Variants in TET2 observed in about 807,000 individuals in gnomAD.
TET2 encodes the protein tet methylcytosine dioxygenase 2, also known as methylcytosine dioxygenase TET2.
TET2 carries 299 observed loss-of-function variants against 142.9 expected under a neutral mutation model. The ratio of observed to expected loss-of-function variants is 2.09; its 90% CI spans 1.90 to 2.30. The LOEUF (loss-of-function observed/expected upper bound fraction) is 2.30. TET2 is among the 30% of genes most tolerant of loss of function. The pLI is 0.00. For missense variants in TET2, 2,418 were observed against 2,378.0 expected (o/e 1.02, Z -0.35); for synonymous variants, 819 against 849.0 (o/e 0.96, Z 0.61).
intron 8 of TET2, among the ~76,000 whole-genome samples, chr4:105,268,912 G>A (rs1457831535): frequency 2.0e-5 from 3 of 152,162 alleles, no homozygotes; most frequent in Admixed American, 2.0e-4. Flanking sequence ...GGCAGAGGTT[G>A]CAGTGAGCCC....
intron 2 of TET2, among the ~76,000 whole-genome samples, chr4:105,199,744 A>G (rs369942551): frequency 2.0e-5 from 3 of 152,008 alleles, no homozygotes; most frequent in African/African-American, 4.8e-5. Context: ...CTCTGTGTCC[A>G]TATGTCCTCA....
chr4:105,190,010 A>G (rs754411134), intron 1 of TET2, among the ~76,000 whole-genome samples: 16 of 152,178 alleles, frequency 1.1e-4, no homozygotes, highest in Non-Finnish European at 2.2e-4. Flanking sequence ...CAAAATCCTC[A>G]ACTTCTTACC....
intron 1 of TET2, among the ~76,000 whole-genome samples, chr4:105,167,311 A>G (rs1297303308): frequency 6.6e-6 from 1 of 152,040 alleles, no homozygotes; most frequent in Non-Finnish European, 1.5e-5. Flanking sequence ...AGAAAATTAA[A>G]TTTTACCTAA....
At chr4:105,187,666 C>T (rs767465690) in intron 1 of TET2, among the ~76,000 whole-genome samples, 17 of 152,112 alleles carry the variant, frequency 1.1e-4, no homozygotes, top group South Asian at 2.1e-4. Flanking sequence ...AAATGCCATT[C>T]ATTTCTTTAT....
At chr4:105,267,688 G>A (rs182776073) in intron 8 of TET2, among the ~76,000 whole-genome samples, 7 of 151,430 alleles carry the variant, frequency 4.6e-5, no homozygotes, top group Admixed American at 2.0e-4. Context: ...AAACCCAACT[G>A]TATCAACAAC....
chr4:105,183,627 A>G (rs1235176292), intron 1 of TET2, among the ~76,000 whole-genome samples: 1 of 152,118 alleles, frequency 6.6e-6, no homozygotes, highest in Admixed American at 6.6e-5. Flanking sequence ...TTAGAACCCA[A>G]GATTAATTTA....
rs2110236512 is a variant in TET2, at chr4:105,236,929, C to T, written c.2987C>T (p.Ala996Val). The change falls in exon 3 of 11, where the codon GCA becomes GTA. Residue 996 changes from alanine to valine, a missense_variant. Coordinates refer to ENST00000380013, the MANE Select transcript of TET2 (RefSeq NM_001127208.3). ...AAGCCACATGCCTGTATGCACACAG[C>T]ACCACCAGAAAACAAAACATGGAAA... ...GCKPHACMHT[A>V]PPENKTWKKV... 6.2e-7 allele frequency: 1 copy of T among 1,614,098 alleles called. No homozygotes were observed. Among genetic ancestry groups the T allele is most frequent in the Non-Finnish European group, 8.5e-7 (1 of 1,180,018 alleles).
intron 1 of TET2, chr4:105,177,536 C>T (rs983940855): frequency 2.0e-5 from 3 of 152,150 alleles, no homozygotes; most frequent in African/African-American, 7.2e-5. Context: ...AGATGTTAAA[C>T]ATCATAGTCA....
intron 2 of TET2, among the ~76,000 whole-genome samples, chr4:105,232,724 G>T (rs1453990168): frequency 2.6e-5 from 4 of 152,142 alleles, no homozygotes; most frequent in Non-Finnish European, 4.4e-5. Flanking sequence ...AGAGTAGGAG[G>T]ACAGAAAAAA....
chr4:105,172,068 T>C (rs1425433517), intron 1 of TET2, among the ~76,000 whole-genome samples: 2 of 152,168 alleles, frequency 1.3e-5, no homozygotes, highest in Non-Finnish European at 2.9e-5. Context: ...CAAGATAACA[T>C]TCTGTGAAAT....
chr4:105,240,764 A>T (rs961856714), intron 3 of TET2: 3 of 1,079,648 alleles, frequency 2.8e-6, no homozygotes, highest in Non-Finnish European at 2.3e-6. Context: ...ACTCTCCAGG[A>T]TTTTCTCTCA....
At chr4:105,219,740 T>A (rs918009784) in intron 2 of TET2, among the ~76,000 whole-genome samples, 5 of 152,140 alleles carry the variant, frequency 3.3e-5, no homozygotes, top group African/African-American at 7.2e-5. Context: ...ATTAAGATCA[T>A]CTTGGTGAAT....
intron 1 of TET2, among the ~76,000 whole-genome samples, chr4:105,152,857 A>G (rs1578526703): frequency 6.6e-6 from 1 of 152,180 alleles, no homozygotes; most frequent in African/African-American, 2.4e-5. Context: ...CGGGTCTCCC[A>G]AAGTGCTGGG....
At chr4:105,250,078 T>G (rs1416421196) in intron 6 of TET2, among the ~76,000 whole-genome samples, 1 of 152,220 alleles carries the variant, frequency 6.6e-6, no homozygotes, top group Non-Finnish European at 1.5e-5. Flanking sequence ...AATTTGATGG[T>G]GAGAGATAAG....
At chr4:105,223,293 T>C (rs1727960307) in intron 2 of TET2, among the ~76,000 whole-genome samples, 1 of 152,162 alleles carries the variant, frequency 6.6e-6, no homozygotes, top group Non-Finnish European at 1.5e-5. Flanking sequence ...GTGGCTTGCT[T>C]ACATTAATTT....
intron 1 of TET2, among the ~76,000 whole-genome samples, chr4:105,155,277 C>T (rs1218658538): frequency 6.6e-6 from 1 of 152,176 alleles, no homozygotes; most frequent in Non-Finnish European, 1.5e-5. Flanking sequence ...ACAAGTGACT[C>T]TTTTCCTGTT....
chr4:105,258,432 C>G (rs571067394), intron 6 of TET2, among the ~76,000 whole-genome samples: 1 of 152,244 alleles, frequency 6.6e-6, no homozygotes, highest in African/African-American at 2.4e-5. Context: ...AAATGCATGG[C>G]AAGAATCTTT....
At chr4:105,157,099 T>C (rs1190233426) in intron 1 of TET2, among the ~76,000 whole-genome samples, 2 of 152,126 alleles carry the variant, frequency 1.3e-5, no homozygotes, top group Non-Finnish European at 2.9e-5. Context: ...CTATATACAT[T>C]ATAACAGAAG....
chr4:105,232,986 T>G lies in TET2; in HGVS notation c.-46-911T>G, dbSNP rs372586376. On this transcript the variant is annotated intron_variant, in intron 2 of 10. Transcript: ENST00000380013. ...TTAAGCCAGTGTGTTAAAGAGAATA[T>G]GACATCAGATTTGCATTTTACAATC... Among the ~76,000 whole-genome samples the G allele has an allele frequency of 2.0e-5, 3 of 152,098 alleles. No individual in the cohort carries two copies. In the East Asian group the frequency reaches 5.8e-4, roughly 29 times the overall value.
Sources: gnomAD v4.1 joint callset for allele counts (sites outside exome capture counted in the v4.1 genomes callset) on GRCh38, gnomAD v4.1.1 for gene constraint, MANE v1.5 for transcripts, NCBI Gene and HGNC (gene_info 2026-07-23, HGNC 2026-07-21) for gene names.